The following RAB6A variants were observed in gnomAD, a reference collection of about 807,000 sequenced individuals.
RAB6A encodes RAB6A, member RAS oncogene family, also known as ras-related protein Rab-6A.
RAB6A carries 8 observed loss-of-function variants against 32.3 expected under a neutral mutation model. That is an observed-to-expected ratio of 0.25 (90% CI 0.15 to 0.45). The LOEUF (loss-of-function observed/expected upper bound fraction) is 0.45, where lower values mean the gene tolerates loss of function less well. RAB6A is among the 20% of genes least tolerant of loss of function. The probability of loss-of-function intolerance (pLI) is 1.00; values close to 1 mark genes in which losing one functional copy is unlikely to be tolerated. For missense variants in RAB6A, 104 were observed against 249.4 expected, an observed-to-expected ratio of 0.42 and a Z score of 3.93; for synonymous variants, 73 against 82.1, an observed-to-expected ratio of 0.89 and a Z score of 0.60.
chr11:73,757,518 C>G (rs1451110092), intron 1 of RAB6A, among the ~76,000 whole-genome samples: 1 of 152,012 alleles, frequency 6.6e-6, no homozygotes, highest in African/African-American at 2.4e-5. Flanking sequence ...AATTTCAAAT[C>G]AGTTCCATGA....
At chr11:73,757,461 C>A (rs1201723235) in intron 1 of RAB6A, among the ~76,000 whole-genome samples, 1 of 151,834 alleles carries the variant, frequency 6.6e-6, no homozygotes, top group African/African-American at 2.4e-5. Context: ...CATGAACCAC[C>A]GCACCCAGCC....
chr11:73,684,168 GT>G (rs35035887), intron 6 of RAB6A, among the ~76,000 whole-genome samples: 1,567 of 144,414 alleles, frequency 0.011, 33 homozygotes, highest in African/African-American at 0.039. Context: ...ATACATTGTT[GT>G]TTTTTTTTTT....
intron 6 of RAB6A, among the ~76,000 whole-genome samples, chr11:73,694,661 C>G (rs1945628584): frequency 6.6e-6 from 1 of 152,002 alleles, no homozygotes; most frequent in Non-Finnish European, 1.5e-5. Flanking sequence ...TCACTTGGGC[C>G]CAGAAGTTCG....
rs1479341350 is a variant in RAB6A at position 73,677,712 on chromosome 11, G to C, written c.*186C>G. ...CTTTTTGTAAAATATAAATAATGAA[G>C]ACACTGACTTTTGTTGTGCTTGTGA... is the stretch of plus-strand genomic sequence containing the variant. On this transcript the variant is annotated 3_prime_UTR_variant, in exon 8 of 8. Transcript: ENST00000336083. The C allele has an allele frequency of 7.2e-6, 10 of 1,394,100 alleles. No homozygotes were observed. The highest frequency in any genetic ancestry group is 7.7e-6 in the Non-Finnish European group (8 of 1,041,754). 86.4% of individuals were successfully genotyped at this position (1,394,100 alleles called of 1,614,324 possible). A position where few individuals can be genotyped will look rare whatever the true frequency, so the allele number is the denominator to read the frequency against.
At chr11:73,748,727 T>C (rs1022179895) in intron 1 of RAB6A, among the ~76,000 whole-genome samples, 3 of 152,222 alleles carry the variant, frequency 2.0e-5, no homozygotes, top group African/African-American at 7.2e-5. Context: ...ACACAGTATT[T>C]AGTTAAATCA....
intron 5 of RAB6A, among the ~76,000 whole-genome samples, chr11:73,709,976 T>G (rs1425252712): frequency 6.9e-6 from 1 of 144,592 alleles, no homozygotes; most frequent in Non-Finnish European, 1.5e-5. Context: ...TTTTTTTTTT[T>G]GAGACGGAGT....
At chr11:73,735,688 A>C (rs1946382310) in intron 1 of RAB6A, among the ~76,000 whole-genome samples, 1 of 152,176 alleles carries the variant, frequency 6.6e-6, no homozygotes, top group Admixed American at 6.6e-5. Context: ...TCTTATTTGG[A>C]AAGAAATAAA....
chr11:73,698,349 C>G (rs1406492626), intron 6 of RAB6A, among the ~76,000 whole-genome samples: 2 of 152,184 alleles, frequency 1.3e-5, no homozygotes, highest in Non-Finnish European at 2.9e-5. Context: ...GATTTTGGAA[C>G]TAAATAGACC....
At chr11:73,743,147 C>CA (rs969216493) in intron 1 of RAB6A, among the ~76,000 whole-genome samples, 8 of 151,078 alleles carry the variant, frequency 5.3e-5, no homozygotes, top group East Asian at 3.9e-4. Context: ...AATACACACA[C>CA]AAAAAAAATT....
Position 73,707,483 on chromosome 11 carries a change from T to C in RAB6A, c.432A>G (p.Lys144=), listed in dbSNP as rs773082460. The C allele has an allele frequency of 8.7e-6, 14 of 1,613,534 alleles. No homozygotes were observed. Among genetic ancestry groups the C allele is most frequent in the South Asian group, 5.5e-5 (5 of 91,060 alleles). ...RQVSIEEGER[K]AKELNVMFIE... Reference sequence around the variant, plus strand: ...TAAACATAACATTCAGCTCTTTGGCTTTCCTCTCTCCCTCCTCAATTGACA... The same window carrying C: ...TAAACATAACATTCAGCTCTTTGGCCTTCCTCTCTCCCTCCTCAATTGACA... The change falls in exon 6 of 8, where the codon AAA becomes AAG. Residue 144 remains lysine, a synonymous_variant. Transcript: ENST00000336083.
At chr11:73,683,793 TCCAC>T (rs1945396654) in intron 6 of RAB6A, among the ~76,000 whole-genome samples, 1 of 152,146 alleles carries the variant, frequency 6.6e-6, no homozygotes, top group Non-Finnish European at 1.5e-5. Context: ...CCTCAGGTGA[TCCAC>T]CTGCCTCAGC....
intron 2 of RAB6A, among the ~76,000 whole-genome samples, chr11:73,724,022 T>A (rs949350483): frequency 1.3e-5 from 2 of 152,184 alleles, no homozygotes; most frequent in African/African-American, 4.8e-5. Context: ...CAAATATTTC[T>A]AACAAATAGG....
chr11:73,724,948 A>ATAT (rs1946194299), intron 2 of RAB6A, among the ~76,000 whole-genome samples: 2 of 152,224 alleles, frequency 1.3e-5, no homozygotes, highest in Non-Finnish European at 2.9e-5. Context: ...AGTGCCTGAT[A>ATAT]TATAACAAAA....
At chr11:73,759,721 T>C (rs950207495) in intron 1 of RAB6A, among the ~76,000 whole-genome samples, 3 of 152,302 alleles carry the variant, frequency 2.0e-5, no homozygotes, top group East Asian at 1.9e-4. Flanking sequence ...CGCTGCTTCA[T>C]GTTGAAAAGA....
chr11:73,696,757 C>A (rs1230798527), intron 6 of RAB6A, among the ~76,000 whole-genome samples: 4 of 151,852 alleles, frequency 2.6e-5, no homozygotes, highest in African/African-American at 9.7e-5. Context: ...AGTCAACACA[C>A]CACCATGCCT....
At chr11:73,729,047 T>C (rs990201972) in intron 2 of RAB6A, among the ~76,000 whole-genome samples, 20 of 152,212 alleles carry the variant, frequency 1.3e-4, no homozygotes, top group African/African-American at 3.4e-4. Context: ...ATTTTACCTG[T>C]CATCTAATTA....
intron 4 of RAB6A, 87 bp from the exon 5 acceptor site, chr11:73,716,449 A>G (rs1946054583): frequency 2.3e-6 from 2 of 884,946 alleles, no homozygotes; most frequent in Admixed American, 4.5e-5. Context: ...AAAGCCCTGG[A>G]AGTTGGAAGG....
In RAB6A at chr11:73,720,901, T is replaced by G. The variant is rs1946125335; in HGVS notation, c.130-2A>C. 6.2e-7 allele frequency: 1 copy of G among 1,604,442 alleles called. No homozygotes were observed. Among genetic ancestry groups the G allele is most frequent in the Non-Finnish European group, 8.5e-7 (1 of 1,172,848 alleles). On this transcript the variant is annotated splice_acceptor_variant, in intron 2 of 7. Transcript: ENST00000336083. LOFTEE classifies it high-confidence loss of function. ...TAAAAAGTCAATGCCAATTGTTGCC[T>G]GTAAAACAAAACAAAGAAGTTAACA... is the stretch of plus-strand genomic sequence containing the variant.
At chr11:73,719,140 A>G (rs1224069251) in intron 3 of RAB6A, among the ~76,000 whole-genome samples, 1 of 152,234 alleles carries the variant, frequency 6.6e-6, no homozygotes, top group Non-Finnish European at 1.5e-5. Flanking sequence ...TCACAGAATC[A>G]GAAATATGGC....
Sources: gnomAD v4.1 joint callset for allele counts (sites outside exome capture counted in the v4.1 genomes callset) on GRCh38, gnomAD v4.1.1 for gene constraint, MANE v1.5 for transcripts, NCBI Gene and HGNC (gene_info 2026-07-23, HGNC 2026-07-21) for gene names.